The following PHF2 variants were observed in gnomAD, a reference collection of about 807,000 sequenced individuals.
PHF2 encodes PHD finger protein 2.
In PHF2, 27 loss-of-function variants were observed where a neutral mutation model predicts 120.5. The observed-to-expected ratio is 0.22, with a 90% CI of 0.17 to 0.31. The LOEUF is 0.31. Ranked by LOEUF, PHF2 falls within the 10% of genes least tolerant of loss-of-function variation. The pLI, the probability that PHF2 is intolerant of heterozygous loss-of-function variation, is 1.00. For missense variants in PHF2, 1,024 were observed against 1,434.8 expected (o/e 0.71, Z 4.63); for synonymous variants, 568 against 592.5 (o/e 0.96, Z 0.60).
chr9:93,645,179 T>G (rs1826234203), intron 3 of PHF2, among the ~76,000 whole-genome samples: 1 of 152,224 alleles, frequency 6.6e-6, no homozygotes, highest in Non-Finnish European at 1.5e-5. Context: ...CTCTTGTTCC[T>G]GAGCTGTGAT....
At position 93,629,625 on chromosome 9, in the gene PHF2, C is replaced by T. The variant is rs556028215; in HGVS notation, c.99-345C>T. 1.5e-4 allele frequency among the ~76,000 whole-genome samples: 23 copies of T among 152,340 alleles called. No homozygotes were observed. In the East Asian group the frequency reaches 4.4e-3, roughly 29 times the overall value. ...CCCCTGGTGAAGTGATGGGGACAGC[C>T]TGGCTCTGAGAACCCCTCTTCCTTC... On this transcript the variant is annotated intron_variant, in intron 1 of 21. Transcript: ENST00000359246.
rs1587726217 is a variant in PHF2, at chr9:93,677,099, T to C, written c.3202+136T>C. The C allele has an allele frequency of 1.9e-5, 18 of 949,810 alleles. No individual in the cohort carries two copies. The East Asian group carries it at 4.9e-4, about 26-fold the overall frequency. The allele number at this position is 949,810 out of a possible 1,614,324, so 58.8% of individuals were successfully genotyped here. On this transcript the variant is annotated intron_variant, in intron 21 of 21. Coordinates refer to ENST00000359246, the MANE Select transcript of PHF2 (RefSeq NM_005392.4). This position sits in a 1 kb window ranked among gnomAD's most constrained non-coding sequence, Gnocchi z 4.4. ...TCCTGGGCCTTGGGTGGCAGGGTGC[T>C]GTGGTCCAAGTTGGTTGCATCTTTG... is the stretch of plus-strand genomic sequence containing the variant.
Position 93,655,957 on chromosome 9 carries a change from C to G in PHF2, c.976C>G (p.Pro326Ala), listed in dbSNP as rs1386375689. 1 of 1,612,650 alleles carries G rather than the reference C, an allele frequency of 6.2e-7. No individual in the cohort carries two copies. Among genetic ancestry groups the G allele is most frequent in the Admixed American group, 1.7e-5 (1 of 59,980 alleles). ...AGGCTGGATCTACGCCACACTCACC[C>G]CTGTGGACTGCCTGGCCTTCGCGGG... The part of the protein sequence containing the change: ...PSGWIYATLT[P>A]VDCLAFAGHF... The change falls in exon 8 of 22, where the codon CCT becomes GCT. Residue 326 changes from proline (P) to alanine (A), a missense_variant. By Grantham distance (27) the Pro-to-Ala change is conservative. Transcript: ENST00000359246.
chr9:93,578,964 C>G (rs1459039966), intron 1 of PHF2, among the ~76,000 whole-genome samples: 2 of 152,196 alleles, frequency 1.3e-5, no homozygotes, highest in African/African-American at 4.8e-5. Flanking sequence ...AAGTCATTTT[C>G]TCCTGCATCT....
chr9:93,621,313 T>G (rs766180845), intron 1 of PHF2, among the ~76,000 whole-genome samples: 1 of 152,190 alleles, frequency 6.6e-6, no homozygotes, highest in Non-Finnish European at 1.5e-5. Flanking sequence ...TCTCTGAGCT[T>G]CTTTTGGGCG....
chr9:93,585,167 G>A (rs1327289886), intron 1 of PHF2, among the ~76,000 whole-genome samples: 1 of 152,332 alleles, frequency 6.6e-6, no homozygotes, highest in South Asian at 2.1e-4. Context: ...GCTGCTGTGT[G>A]CCCAGTGCAT....
chr9:93,647,994 A>C (rs1026907787), intron 4 of PHF2, among the ~76,000 whole-genome samples: 2 of 152,228 alleles, frequency 1.3e-5, no homozygotes, highest in Admixed American at 6.5e-5. Context: ...CTATCATCGC[A>C]CTCGATAATA....
At chr9:93,578,937 C>G (rs1043145423) in intron 1 of PHF2, among the ~76,000 whole-genome samples, 2 of 152,202 alleles carry the variant, frequency 1.3e-5, no homozygotes, top group Non-Finnish European at 2.9e-5. Flanking sequence ...AGAAGCTGTG[C>G]TTTCCCTCGG....
intron 9 of PHF2, among the ~76,000 whole-genome samples, chr9:93,657,943 T>C (rs930391335): frequency 6.6e-6 from 1 of 152,008 alleles, no homozygotes; most frequent in South Asian, 2.1e-4. Context: ...GGCCAATCTT[T>C]CCTCAAGCAG....
chr9:93,593,293 G>A (rs921150322), intron 1 of PHF2, among the ~76,000 whole-genome samples: 1 of 151,984 alleles, frequency 6.6e-6, no homozygotes, highest in East Asian at 1.9e-4. Flanking sequence ...TACCCTCCAG[G>A]GTATGGTGGG....
Position 93,579,331 on chromosome 9 carries a change from A to G in PHF2, c.98+2460A>G, listed in dbSNP as rs144788739. Among the ~76,000 whole-genome samples the G allele has an allele frequency of 4.8e-4, 73 of 152,178 alleles. 1 individual carries two copies. In the East Asian group the frequency reaches 0.014, roughly 29 times the overall value. On this transcript the variant is annotated intron_variant, in intron 1 of 21. Coordinates refer to ENST00000359246, the MANE Select transcript of PHF2 (RefSeq NM_005392.4). ...GAATACTTTTAAACTTTTTATTTTG[A>G]GGGGACTTTAGACTTACAAAAGAGT... is the stretch of plus-strand genomic sequence containing the variant.
At position 93,677,701 on chromosome 9, in the gene PHF2, G is replaced by A; in HGVS notation, c.*25G>A. ...AGATTTGGAAAGCCAGGATCCTTCTGCTCCGCTCAGGACCCCCGGAGCCCC... is the reference window on the plus strand; with the variant it reads ...AGATTTGGAAAGCCAGGATCCTTCTACTCCGCTCAGGACCCCCGGAGCCCC... On this transcript the variant is annotated 3_prime_UTR_variant, in exon 22 of 22. Coordinates refer to ENST00000359246, the MANE Select transcript of PHF2 (RefSeq NM_005392.4). This position sits in a 1 kb window ranked among gnomAD's most constrained non-coding sequence, Gnocchi z 4.4. 6.3e-7 allele frequency: 1 copy of A among 1,580,756 alleles called. No homozygotes were observed. Among genetic ancestry groups the A allele is most frequent in the Non-Finnish European group, 8.7e-7 (1 of 1,150,382 alleles).
chr9:93,611,375 A>G (rs1035001521), intron 1 of PHF2, among the ~76,000 whole-genome samples: 1 of 151,348 alleles, frequency 6.6e-6, no homozygotes, highest in African/African-American at 2.4e-5. Context: ...AGATCATGCC[A>G]TTGCACTCCA....
At position 93,605,513 on chromosome 9, in the gene PHF2, C is replaced by G. The variant is rs568774957; in HGVS notation, c.99-24457C>G. 3.3e-5 allele frequency among the ~76,000 whole-genome samples: 5 copies of G among 152,370 alleles called. No individual in the cohort carries two copies. The South Asian group carries it at 8.3e-4, about 25-fold the overall frequency. ...CTGTGCTCTGCCTATCCATCCCTCCCAGTACCCCCAAACCTCTGATAACCA... is the reference window on the plus strand; with the variant it reads ...CTGTGCTCTGCCTATCCATCCCTCCGAGTACCCCCAAACCTCTGATAACCA... On this transcript the variant is annotated intron_variant, in intron 1 of 21. Transcript: ENST00000359246.
chr9:93,676,235 C>G (rs1264726592), intron 20 of PHF2, among the ~76,000 whole-genome samples: 1 of 152,236 alleles, frequency 6.6e-6, no homozygotes, highest in Non-Finnish European at 1.5e-5. Context: ...ACATACCCTC[C>G]CAACCAGGCC....
intron 1 of PHF2, among the ~76,000 whole-genome samples, chr9:93,622,159 G>A (rs1825836790): frequency 6.6e-6 from 1 of 152,214 alleles, no homozygotes. Context: ...TGGGTGGCCA[G>A]AGGGATGGAG....
intron 17 of PHF2, among the ~76,000 whole-genome samples, chr9:93,670,007 A>AGCCCC (rs1356028100): frequency 1.3e-5 from 2 of 152,200 alleles, no homozygotes; most frequent in African/African-American, 2.4e-5. Context: ...TGGGTATACA[A>AGCCCC]GCCCCCATTA....
Position 93,660,210 on chromosome 9 carries a change from C to T in PHF2, c.1348C>T (p.Arg450Ter), listed in dbSNP as rs1826536323. The change falls in exon 12 of 22, where the codon CGA (arginine) becomes TGA (stop). Residue 450 changes from arginine to a stop codon, truncating the protein, a stop_gained. Coordinates refer to ENST00000359246, the MANE Select transcript of PHF2 (RefSeq NM_005392.4). LOFTEE classifies it high-confidence loss of function. ...RLSENASKAV[R>*]PEVNTVASSD... is the part of the protein sequence containing the mutation. Reference sequence around the variant, plus strand: ...ATCCCAGAATGCCTCCAAAGCCGTCCGACCGGAAGTGAATACTGTCGCCTC... The same window carrying T: ...ATCCCAGAATGCCTCCAAAGCCGTCTGACCGGAAGTGAATACTGTCGCCTC... The T allele has an allele frequency of 1.3e-6, 2 of 1,568,710 alleles. No homozygotes were observed. The highest frequency in any genetic ancestry group is 2.0e-5 in the Admixed American group (1 of 50,706).
At chr9:93,625,515 T>C (rs1225469997) in intron 1 of PHF2, among the ~76,000 whole-genome samples, 1 of 147,008 alleles carries the variant, frequency 6.8e-6, no homozygotes, top group Non-Finnish European at 1.5e-5. Flanking sequence ...TCTTGCTTCA[T>C]TGGCCAGGCT....
Sources: gnomAD v4.1 joint callset for allele counts (sites outside exome capture counted in the v4.1 genomes callset) on GRCh38, gnomAD v4.1.1 for gene constraint, Gnocchi (gnomAD v3.1) non-coding constraint, MANE v1.5 for transcripts, NCBI Gene and HGNC (gene_info 2026-07-23, HGNC 2026-07-21) for gene names.